The following NCKAP5 variants were observed in gnomAD, a reference collection of about 807,000 sequenced individuals.
NCKAP5 encodes nck-associated protein 5.
A neutral mutation model predicts 167.0 loss-of-function variants in NCKAP5; 92 were observed. The observed-to-expected ratio is 0.55, with a 90% CI of 0.47 to 0.66. The LOEUF is 0.66. NCKAP5 is among the 30% of genes least tolerant of loss of function. The probability of loss-of-function intolerance (pLI) is 0.00; values close to 1 mark genes in which losing one functional copy is unlikely to be tolerated. For missense variants in NCKAP5, 2,378 were observed against 2,315.0 expected (o/e 1.03, Z -0.56); for synonymous variants, 891 against 877.4 (o/e 1.02, Z -0.27).
At chr2:133,280,721 C>G (rs1559347351) in intron 4 of NCKAP5, among the ~76,000 whole-genome samples, 1 of 152,154 alleles carries the variant, frequency 6.6e-6, no homozygotes, top group African/African-American at 2.4e-5. Flanking sequence ...AATTGGCACC[C>G]ACAGGCCAAA....
chr2:132,710,363 A>G (rs1467178120), intron 19 of NCKAP5, among the ~76,000 whole-genome samples: 1 of 152,222 alleles, frequency 6.6e-6, no homozygotes, highest in Non-Finnish European at 1.5e-5. Context: ...TATCACCACC[A>G]ATTTAACTCA....
intron 2 of NCKAP5, among the ~76,000 whole-genome samples, chr2:133,532,608 G>T (rs1178540722): frequency 6.6e-6 from 1 of 151,990 alleles, no homozygotes; most frequent in Middle Eastern, 3.2e-3. Context: ...ATTTATTCAG[G>T]GTTCCTCCTA....
At chr2:132,867,121 AT>A (rs11325778) in intron 10 of NCKAP5, among the ~76,000 whole-genome samples, 89,899 of 149,172 alleles carry the variant, frequency 0.6, 28,789 homozygotes, top group East Asian at 0.91. Flanking sequence ...TTGTGTAGCT[AT>A]TTTTTTTTTT....
intron 3 of NCKAP5, among the ~76,000 whole-genome samples, chr2:133,443,230 T>A (rs1242341839): frequency 6.6e-6 from 1 of 152,214 alleles, no homozygotes; most frequent in Non-Finnish European, 1.5e-5. Context: ...CTGGGGTCAG[T>A]GTGAACTTCA....
intron 4 of NCKAP5, among the ~76,000 whole-genome samples, chr2:133,294,876 G>T (rs967448033): frequency 6.6e-6 from 1 of 152,078 alleles, no homozygotes; most frequent in African/African-American, 2.4e-5. Context: ...TGCTAGAAGG[G>T]ATGAGCCTTA....
chr2:133,395,502 G>A (rs111360315), intron 3 of NCKAP5, among the ~76,000 whole-genome samples: 5 of 152,306 alleles, frequency 3.3e-5, no homozygotes, highest in South Asian at 2.1e-4. Context: ...CATGATTTAA[G>A]TTGTGTATTT....
At chr2:133,178,817 A>C (rs899198422) in intron 5 of NCKAP5, among the ~76,000 whole-genome samples, 30 of 136,446 alleles carry the variant, frequency 2.2e-4, no homozygotes, top group African/African-American at 7.7e-4. Context: ...AGAGCAAGGC[A>C]AGACTCCGTC....
At chr2:133,017,537 G>T (rs558199865) in intron 6 of NCKAP5, among the ~76,000 whole-genome samples, 24 of 151,898 alleles carry the variant, frequency 1.6e-4, no homozygotes, top group Admixed American at 3.3e-4. Flanking sequence ...CAATATTTTT[G>T]AATGGAAACA....
At chr2:133,144,689 A>G (rs1301398069) in intron 5 of NCKAP5, among the ~76,000 whole-genome samples, 3 of 152,080 alleles carry the variant, frequency 2.0e-5, no homozygotes, top group Non-Finnish European at 4.4e-5. Flanking sequence ...TCTTTTATCT[A>G]TCCCTGTGTG....
At chr2:132,869,511 G>A (rs1690627831) in intron 9 of NCKAP5, among the ~76,000 whole-genome samples, 1 of 152,226 alleles carries the variant, frequency 6.6e-6, no homozygotes, top group African/African-American at 2.4e-5. Context: ...TCTTGTTGTT[G>A]CTACCTGTAA....
At chr2:133,474,155 TA>T (rs1321720725) in intron 3 of NCKAP5, among the ~76,000 whole-genome samples, 156 of 142,640 alleles carry the variant, frequency 1.1e-3, no homozygotes, top group African/African-American at 4.1e-3. Context: ...TATCTATCTA[TA>T]CACACACACA....
At chr2:132,903,940 G>T (rs1693816329) in intron 8 of NCKAP5, among the ~76,000 whole-genome samples, 1 of 152,066 alleles carries the variant, frequency 6.6e-6, no homozygotes, top group African/African-American at 2.4e-5. Flanking sequence ...TTATGTATTG[G>T]GTGATAATTC....
At chr2:132,899,336 G>A (rs1008272740) in intron 8 of NCKAP5, among the ~76,000 whole-genome samples, 1 of 152,222 alleles carries the variant, frequency 6.6e-6, no homozygotes, top group Non-Finnish European at 1.5e-5. Flanking sequence ...TTGGCTTAAG[G>A]GAATGTCGTG....
At chr2:132,848,141 T>C (rs1219415289) in intron 11 of NCKAP5, among the ~76,000 whole-genome samples, 1 of 152,188 alleles carries the variant, frequency 6.6e-6, no homozygotes, top group Non-Finnish European at 1.5e-5. Flanking sequence ...AAAAGAACAG[T>C]ATGATAGCTT....
In NCKAP5 at chr2:132,734,155, C is replaced by G. The variant is rs989966863; in HGVS notation, c.5129-2104G>C. Among the ~76,000 whole-genome samples, 6 of 152,322 alleles carry G rather than the reference C, an allele frequency of 3.9e-5. No individual in the cohort carries two copies. The South Asian group carries it at 1.2e-3, about 32-fold the overall frequency. On this transcript the variant is annotated intron_variant, in intron 16 of 19. Transcript: ENST00000409261. ...AGACTTGCAGATTATTCATGACCTTCTCTTTTCATTTTCTCCTCAATTAAG... is the reference window on the plus strand; with the variant it reads ...AGACTTGCAGATTATTCATGACCTTGTCTTTTCATTTTCTCCTCAATTAAG...
chr2:133,340,030 C>G (rs2150761074), intron 3 of NCKAP5, among the ~76,000 whole-genome samples: 1 of 152,256 alleles, frequency 6.6e-6, no homozygotes, highest in East Asian at 1.9e-4. Flanking sequence ...CTCTTGTGCC[C>G]TACAGACACT....
chr2:133,359,010 A>G (rs1462184805), intron 3 of NCKAP5, among the ~76,000 whole-genome samples: 1 of 152,252 alleles, frequency 6.6e-6, no homozygotes, highest in East Asian at 1.9e-4. Flanking sequence ...AGTTTTATAC[A>G]TTCATAAAAA....
intron 5 of NCKAP5, among the ~76,000 whole-genome samples, chr2:133,207,598 G>T (rs555348306): frequency 2.4e-4 from 36 of 152,120 alleles, no homozygotes; most frequent in African/African-American, 8.0e-4. Flanking sequence ...TAAGCCTGGA[G>T]CATCTTACAA....
chr2:133,123,441 C>T, intron 6 of NCKAP5: 1 of 192,228 alleles, frequency 5.2e-6, no homozygotes. Context: ...CATTTAAAAT[C>T]TTTTCTTCCA....
Sources: allele counts gnomAD v4.1 joint callset (sites outside exome capture counted in the v4.1 genomes callset), GRCh38; gene constraint gnomAD v4.1.1; transcripts MANE v1.5; gene names NCBI Gene and HGNC (gene_info 2026-07-23, HGNC 2026-07-21).